The following CTNND2 variants were observed in gnomAD, a reference collection of about 807,000 sequenced individuals.
CTNND2 encodes catenin delta 2, also known as catenin delta-2.
In CTNND2, 22 loss-of-function variants were observed where a neutral mutation model predicts 144.4. That is an observed-to-expected ratio of 0.15 (90% confidence interval 0.11 to 0.22). CTNND2 has a LOEUF of 0.22. Among genes scored for constraint, CTNND2 ranks in the 10% least tolerant of loss-of-function variants. The pLI is 1.00. For synonymous variants in CTNND2, 751 were observed against 695.6 expected, an observed-to-expected ratio of 1.08 and a Z score of -1.25; for missense variants, 1,353 against 1,618.8, an observed-to-expected ratio of 0.84 and a Z score of 2.82.
At chr5:11,221,868 C>T (rs1037467289) in intron 10 of CTNND2, among the ~76,000 whole-genome samples, 17 of 152,168 alleles carry the variant, frequency 1.1e-4, no homozygotes, top group Admixed American at 4.6e-4. Context: ...GGTTTTGCTG[C>T]CACTTCCCCT....
intron 1 of CTNND2, among the ~76,000 whole-genome samples, chr5:11,781,316 G>A (rs752704560): frequency 3.9e-5 from 6 of 152,088 alleles, no homozygotes; most frequent in Non-Finnish European, 1.5e-5. Context: ...TTCATGCTGC[G>A]ATTTTCCATG....
intron 1 of CTNND2, among the ~76,000 whole-genome samples, chr5:11,881,900 T>C (rs184350763): frequency 1.3e-5 from 2 of 152,230 alleles, no homozygotes; most frequent in Admixed American, 6.5e-5. Context: ...GCATTTGTTA[T>C]ATTTTTTCTT....
intron 1 of CTNND2, among the ~76,000 whole-genome samples, chr5:11,813,901 G>A (rs1023172121): frequency 6.6e-6 from 1 of 152,120 alleles, no homozygotes; most frequent in East Asian, 1.9e-4. Flanking sequence ...TTTACCACAC[G>A]GCTACTGATG....
chr5:11,846,104 A>T (rs1477551374), intron 1 of CTNND2, among the ~76,000 whole-genome samples: 4 of 152,200 alleles, frequency 2.6e-5, no homozygotes, highest in Admixed American at 2.0e-4. Context: ...TTAATGAAAC[A>T]TTAAAAACTC....
chr5:11,446,317 G>T (rs998261416), intron 3 of CTNND2, among the ~76,000 whole-genome samples: 1 of 152,158 alleles, frequency 6.6e-6, no homozygotes, highest in African/African-American at 2.4e-5. Context: ...ACTTACAGTA[G>T]TCATTAGTGA....
At chr5:11,588,247 T>G (rs1441854252) in intron 2 of CTNND2, among the ~76,000 whole-genome samples, 1 of 152,026 alleles carries the variant, frequency 6.6e-6, no homozygotes, top group African/African-American at 2.4e-5. Context: ...GTTGGGTGAT[T>G]TTTTTTCCTT....
At chr5:11,641,583 T>C (rs554444203) in intron 2 of CTNND2, among the ~76,000 whole-genome samples, 7 of 140,458 alleles carry the variant, frequency 5.0e-5, no homozygotes, top group Admixed American at 2.0e-4. Context: ...TGTGTATGTA[T>C]ATACATATAC....
Position 11,225,326 on chromosome 5 carries a change from C to T in CTNND2, c.1761+11365G>A, listed in dbSNP as rs565485523. 7.9e-5 allele frequency among the ~76,000 whole-genome samples: 12 copies of T among 152,250 alleles called. 1 individual carries two copies. The South Asian group carries it at 2.5e-3, about 32-fold the overall frequency. On this transcript the variant is annotated intron_variant, in intron 10 of 21. Coordinates refer to ENST00000304623, the MANE Select transcript of CTNND2 (RefSeq NM_001332.4). ...GGTTTTCTCTTAAAATCCTCTACTCCCCTCTGTCTCTTCAGAAGCCAAATT... is the reference window on the plus strand; with the variant it reads ...GGTTTTCTCTTAAAATCCTCTACTCTCCTCTGTCTCTTCAGAAGCCAAATT...
At chr5:11,181,467 C>T (rs765687887) in intron 11 of CTNND2, among the ~76,000 whole-genome samples, 1 of 152,128 alleles carries the variant, frequency 6.6e-6, no homozygotes, top group Non-Finnish European at 1.5e-5. Context: ...CCCCGGGGAG[C>T]CATGGTGACC....
At chr5:11,848,453 G>A (rs1165354259) in intron 1 of CTNND2, among the ~76,000 whole-genome samples, 2 of 152,080 alleles carry the variant, frequency 1.3e-5, no homozygotes, top group South Asian at 2.1e-4. Flanking sequence ...GTTGTAGCAT[G>A]GGAAAATTAA....
chr5:11,377,381 C>A (rs1325571254), intron 7 of CTNND2, among the ~76,000 whole-genome samples: 1 of 152,114 alleles, frequency 6.6e-6, no homozygotes, highest in African/African-American at 2.4e-5. Flanking sequence ...TTTGTGACTT[C>A]ATTCCCTATT....
At chr5:11,369,364 A>C (rs978032775) in intron 7 of CTNND2, among the ~76,000 whole-genome samples, 3 of 152,230 alleles carry the variant, frequency 2.0e-5, no homozygotes, top group Admixed American at 6.5e-5. Flanking sequence ...CTTGACACAG[A>C]AAATAATTAC....
intron 2 of CTNND2, among the ~76,000 whole-genome samples, chr5:11,628,410 A>G (rs1275320578): frequency 6.6e-6 from 1 of 152,166 alleles, no homozygotes; most frequent in African/African-American, 2.4e-5. Flanking sequence ...CAATGTAGCA[A>G]TATCAGAATC....
chr5:11,487,427 T>C (rs554537803), intron 3 of CTNND2, among the ~76,000 whole-genome samples: 17 of 152,314 alleles, frequency 1.1e-4, no homozygotes, highest in African/African-American at 4.1e-4. Flanking sequence ...TTTTTAACAC[T>C]ACCCTAGTAG....
chr5:11,276,477 G>T (rs1210328202), intron 9 of CTNND2, among the ~76,000 whole-genome samples: 2 of 152,070 alleles, frequency 1.3e-5, no homozygotes, highest in Non-Finnish European at 1.5e-5. Flanking sequence ...ATTTCTAAGT[G>T]ATGGCAGCCC....
chr5:11,151,807 C>G (rs10059397), intron 12 of CTNND2, among the ~76,000 whole-genome samples: 64,872 of 152,002 alleles, frequency 0.43, 14,923 homozygotes, highest in Admixed American at 0.53. Flanking sequence ...TCATTATACT[C>G]TCACTTTTTC....
intron 10 of CTNND2, among the ~76,000 whole-genome samples, chr5:11,207,690 C>T (rs190769706): frequency 9.7e-4 from 148 of 152,284 alleles, no homozygotes; most frequent in African/African-American, 3.3e-3. Flanking sequence ...ACCCACCACT[C>T]GCCTTTGTTA....
intron 2 of CTNND2, among the ~76,000 whole-genome samples, chr5:11,708,456 A>G (rs1187091199): frequency 6.6e-6 from 1 of 152,178 alleles, no homozygotes; most frequent in Non-Finnish European, 1.5e-5. Flanking sequence ...GATATTGGAG[A>G]GATCTGAGTA....
intron 12 of CTNND2, among the ~76,000 whole-genome samples, chr5:11,144,829 G>A (rs944479966): frequency 6.6e-6 from 1 of 152,130 alleles, no homozygotes; most frequent in Non-Finnish European, 1.5e-5. Flanking sequence ...ATAGATGTGT[G>A]TAGGATGCTA....
Sources: gnomAD v4.1 joint callset for allele counts (sites outside exome capture counted in the v4.1 genomes callset) on GRCh38, gnomAD v4.1.1 for gene constraint, MANE v1.5 for transcripts, NCBI Gene and HGNC (gene_info 2026-07-23, HGNC 2026-07-21) for gene names.